The following PACSIN2 variants were observed in gnomAD, a reference collection of about 807,000 sequenced individuals.
PACSIN2 encodes protein kinase C and casein kinase substrate in neurons 2.
In PACSIN2, 25 loss-of-function variants were observed where a neutral mutation model predicts 63.8. That is an observed-to-expected ratio of 0.39 (90% confidence interval 0.29 to 0.55). The LOEUF (loss-of-function observed/expected upper bound fraction) is 0.55. Ranked by LOEUF, PACSIN2 falls within the 20% of genes least tolerant of loss-of-function variation. The pLI is 0.62. For missense variants in PACSIN2, 518 were observed against 646.9 expected (o/e 0.80, Z 2.16); for synonymous variants, 255 against 256.2 (o/e 1.00, Z 0.05).
chr22:42,957,061 T>G (rs1407164561), intron 1 of PACSIN2, among the ~76,000 whole-genome samples: 1 of 152,136 alleles, frequency 6.6e-6, no homozygotes, highest in Non-Finnish European at 1.5e-5. Context: ...AGAAGCGAAC[T>G]AAGCCACTGC....
chr22:43,001,140 G>A (rs1207258467), intron 1 of PACSIN2, among the ~76,000 whole-genome samples: 1 of 152,234 alleles, frequency 6.6e-6, no homozygotes, highest in Non-Finnish European at 1.5e-5. Flanking sequence ...GCCATGCCAT[G>A]CCATACCACC....
At chr22:42,884,078 C>T (rs1465039483) in intron 6 of PACSIN2, among the ~76,000 whole-genome samples, 1 of 152,222 alleles carries the variant, frequency 6.6e-6, no homozygotes. Context: ...TGGGCAATCT[C>T]CATTCCCACC....
chr22:42,978,467 G>A (rs1288120001), intron 1 of PACSIN2, among the ~76,000 whole-genome samples: 1 of 152,206 alleles, frequency 6.6e-6, no homozygotes, highest in African/African-American at 2.4e-5. Flanking sequence ...CCCACACTGC[G>A]TTGGTGGCAG....
chr22:42,874,991 C>T (rs910836321), intron 10 of PACSIN2, among the ~76,000 whole-genome samples: 1 of 151,900 alleles, frequency 6.6e-6, no homozygotes, highest in Non-Finnish European at 1.5e-5. Flanking sequence ...GCTGGGACTA[C>T]AGGCGGCTGC....
intron 4 of PACSIN2, among the ~76,000 whole-genome samples, chr22:42,889,470 G>T (rs1929747018): frequency 6.6e-6 from 1 of 151,812 alleles, no homozygotes; most frequent in South Asian, 2.1e-4. Flanking sequence ...GAGTTTATTA[G>T]CAAAGGCCTC....
rs1030600010 is a variant in PACSIN2 at position 43,015,039 on chromosome 22, C to G, written c.-96G>C. ...CACTCACCTCCCAATCCGTCGCACA[C>G]TCCGTTCAGGCTGCCACGGCGTCTC... On this transcript the variant is annotated 5_prime_UTR_variant, in exon 1 of 11. Coordinates refer to ENST00000263246, the MANE Select transcript of PACSIN2 (RefSeq NM_001184970.3). The G allele has an allele frequency of 1.3e-5, 2 of 152,228 alleles. No homozygotes were observed. The highest frequency in any genetic ancestry group is 4.8e-5 in the African/African-American group (2 of 41,424). 9.4% of individuals were successfully genotyped at this position (152,228 alleles called of 1,614,324 possible). A position where few individuals can be genotyped will look rare whatever the true frequency, so the allele number is the denominator to read the frequency against.
intron 6 of PACSIN2, among the ~76,000 whole-genome samples, chr22:42,882,663 G>A (rs1248787802): frequency 6.6e-6 from 1 of 152,224 alleles, no homozygotes; most frequent in African/African-American, 2.4e-5. Flanking sequence ...GTGTTAGAAA[G>A]TACCCCTCCT....
chr22:43,002,286 A>G (rs1923819304), intron 1 of PACSIN2: 1 of 152,190 alleles, frequency 6.6e-6, no homozygotes, highest in Non-Finnish European at 1.5e-5. Flanking sequence ...AAAGAAAGCT[A>G]GAGAAGGTCT....
chr22:42,995,107 A>G (rs534683682), intron 1 of PACSIN2, among the ~76,000 whole-genome samples: 6 of 152,252 alleles, frequency 3.9e-5, no homozygotes, highest in Non-Finnish European at 5.9e-5. Flanking sequence ...CCGGGCCCCA[A>G]CTGCCAGGAA....
At chr22:42,970,595 A>T (rs1026120864) in intron 1 of PACSIN2, among the ~76,000 whole-genome samples, 3 of 152,258 alleles carry the variant, frequency 2.0e-5, no homozygotes, top group African/African-American at 7.2e-5. Context: ...TAAAAAGTTT[A>T]TTATAGAAAT....
At chr22:42,988,046 T>C (rs1443243100) in intron 1 of PACSIN2, among the ~76,000 whole-genome samples, 1 of 151,710 alleles carries the variant, frequency 6.6e-6, no homozygotes, top group African/African-American at 2.4e-5. Context: ...GAGGCTGAGG[T>C]GAATCACTTG....
At chr22:42,910,582 T>A (rs1931385375) in intron 2 of PACSIN2, among the ~76,000 whole-genome samples, 1 of 152,162 alleles carries the variant, frequency 6.6e-6, no homozygotes. Flanking sequence ...TGGTCCTGCT[T>A]CATCTAGTTT....
At chr22:42,977,436 T>A (rs1037585226) in intron 1 of PACSIN2, among the ~76,000 whole-genome samples, 6 of 152,190 alleles carry the variant, frequency 3.9e-5, no homozygotes, top group African/African-American at 4.8e-5. Context: ...ACCTCACCAG[T>A]ACTCAGGAAA....
At chr22:42,875,292 A>C (rs5759004) in intron 10 of PACSIN2, among the ~76,000 whole-genome samples, 26,596 of 151,734 alleles carry the variant, frequency 0.18, 3,707 homozygotes, top group East Asian at 0.56. Flanking sequence ...ATAGGTATGC[A>C]ACACCACGCC....
At chr22:42,940,581 C>T (rs1199411143) in intron 1 of PACSIN2, among the ~76,000 whole-genome samples, 4 of 152,226 alleles carry the variant, frequency 2.6e-5, no homozygotes, top group African/African-American at 7.2e-5. Flanking sequence ...TGGGACAGGG[C>T]ACAGAGCCCT....
At chr22:42,912,571 C>T (rs1931533624) in intron 1 of PACSIN2, among the ~76,000 whole-genome samples, 1 of 152,244 alleles carries the variant, frequency 6.6e-6, no homozygotes, top group African/African-American at 2.4e-5. Flanking sequence ...TCCACCTTTA[C>T]TGACTCCGCC....
chr22:42,928,701 C>A (rs1488974541), intron 1 of PACSIN2, among the ~76,000 whole-genome samples: 2 of 152,166 alleles, frequency 1.3e-5, no homozygotes, highest in African/African-American at 4.8e-5. Context: ...TGGGTATACC[C>A]TACCTGGAAC....
chr22:42,878,267 GC>G (rs1928799159), intron 8 of PACSIN2, among the ~76,000 whole-genome samples: 1 of 152,220 alleles, frequency 6.6e-6, no homozygotes, highest in Non-Finnish European at 1.5e-5. Context: ...GAGCCCACCT[GC>G]CCAGACAGCG....
intron 2 of PACSIN2, among the ~76,000 whole-genome samples, chr22:42,895,983 G>A (rs1569236565): frequency 2.0e-5 from 3 of 152,184 alleles, no homozygotes; most frequent in African/African-American, 2.4e-5. Context: ...CACTGCAGTC[G>A]TCCCAGGAGC....
Sources: gnomAD v4.1 joint callset for allele counts (sites outside exome capture counted in the v4.1 genomes callset) on GRCh38, gnomAD v4.1.1 for gene constraint, MANE v1.5 for transcripts, NCBI Gene and HGNC (gene_info 2026-07-23, HGNC 2026-07-21) for gene names.